UBR2: variants seen among roughly 807,000 people sequenced by gnomAD.
The protein encoded by UBR2 is ubiquitin protein ligase E3 component n-recognin 2.
UBR2 carries 92 observed loss-of-function variants against 247.9 expected under a neutral mutation model. That is an observed-to-expected ratio of 0.37 (90% CI 0.31 to 0.44). The LOEUF is 0.44. UBR2 is among the 20% of genes least tolerant of loss of function. The pLI, the probability that UBR2 is intolerant of heterozygous loss-of-function variation, is 1.00. For synonymous variants in UBR2, 672 were observed against 693.5 expected, an observed-to-expected ratio of 0.97 and a Z score of 0.49; for missense variants, 1,613 against 2,112.6, an observed-to-expected ratio of 0.76 and a Z score of 4.64.
chr6:42,564,816 G>T (rs981753830), intron 1 of UBR2, among the ~76,000 whole-genome samples: 1 of 152,136 alleles, frequency 6.6e-6, no homozygotes, highest in African/African-American at 2.4e-5. Context: ...AAGCGAAGCC[G>T]TGTGCTCCTC....
Position 42,655,623 on chromosome 6 carries a change from G to A in UBR2, c.2772G>A (p.Val924=), listed in dbSNP as rs1215520556. 1 of 1,540,460 alleles carries A rather than the reference G, an allele frequency of 6.5e-7. No homozygotes were observed. Among genetic ancestry groups the A allele is most frequent in the Non-Finnish European group, 8.7e-7 (1 of 1,151,664 alleles). ...YAWSESMLQR[V]LHLIGMALQE... ...AAGTTACAAAACATTTATTCAAGGT[G>A]TTACATTTAATTGGCATGGCACTAC... is the stretch of plus-strand genomic sequence containing the variant. The change falls in exon 26 of 47, where the codon GTG becomes GTA. Residue 924 remains valine (V), a splice_region_variant and synonymous_variant. Coordinates refer to ENST00000372901, the MANE Select transcript of UBR2 (RefSeq NM_001363705.2).
chr6:42,673,755 T>G, intron 36 of UBR2, 36 bp from the exon 37 acceptor site: 8 of 1,506,560 alleles, frequency 5.3e-6, no homozygotes, highest in African/African-American at 2.8e-5. Context: ...CTGCTTTGCA[T>G]TTTTGTTTTT....
At chr6:42,590,119 A>G (rs1369631571) in intron 2 of UBR2, among the ~76,000 whole-genome samples, 2 of 152,186 alleles carry the variant, frequency 1.3e-5, no homozygotes, top group East Asian at 3.8e-4. Context: ...ATGTATTAAT[A>G]TTATGTTAAA....
At chr6:42,620,506 G>GTT (rs1053036634) in intron 11 of UBR2, among the ~76,000 whole-genome samples, 6 of 111,184 alleles carry the variant, frequency 5.4e-5, no homozygotes, top group East Asian at 2.8e-4. Flanking sequence ...TTTTGTTTTT[G>GTT]TTTTTTTTTA....
chr6:42,584,983 G>A (rs1196435527), intron 2 of UBR2, among the ~76,000 whole-genome samples: 3 of 151,836 alleles, frequency 2.0e-5, no homozygotes, highest in African/African-American at 7.3e-5. Flanking sequence ...TGCCTTTCTT[G>A]TGCTCCATTG....
At chr6:42,625,530 A>C (rs917711540) in intron 11 of UBR2, among the ~76,000 whole-genome samples, 2 of 151,976 alleles carry the variant, frequency 1.3e-5, no homozygotes, top group African/African-American at 4.8e-5. Context: ...GCTCACTGCA[A>C]TCTCTACCTC....
At position 42,679,707 on chromosome 6, in the gene UBR2, T is replaced by A. The variant is rs1267014291; in HGVS notation, c.4610-17T>A. 6.4e-7 allele frequency: 1 copy of A among 1,574,054 alleles called. No individual in the cohort carries two copies. Among genetic ancestry groups the A allele is most frequent in the Admixed American group, 1.7e-5 (1 of 59,846 alleles). On this transcript the variant is annotated splice_polypyrimidine_tract_variant and intron_variant, in intron 41 of 46. Coordinates refer to ENST00000372901, the MANE Select transcript of UBR2 (RefSeq NM_001363705.2). ...CTTAGTTGTTATATGCACTCTTTTC[T>A]TGTTCTTCATTTGCAGTTCCTGGAA...
chr6:42,618,425 T>G (rs1461857840), intron 11 of UBR2, among the ~76,000 whole-genome samples: 1 of 152,224 alleles, frequency 6.6e-6, no homozygotes, highest in Non-Finnish European at 1.5e-5. Context: ...TATAGTTACT[T>G]TATTAATAAG....
intron 1 of UBR2, among the ~76,000 whole-genome samples, chr6:42,572,258 T>C (rs1010513946): frequency 6.6e-6 from 1 of 152,182 alleles, no homozygotes; most frequent in South Asian, 2.1e-4. Flanking sequence ...CCTTAACTTA[T>C]GAACAAAATT....
chr6:42,636,280 G>A (rs563920179), intron 14 of UBR2, among the ~76,000 whole-genome samples: 202 of 150,972 alleles, frequency 1.3e-3, no homozygotes, highest in South Asian at 3.6e-3. Flanking sequence ...CTGGGCTTAG[G>A]TGATCCTCCC....
intron 15 of UBR2, among the ~76,000 whole-genome samples, chr6:42,639,917 A>T (rs569098449): frequency 2.7e-5 from 4 of 150,574 alleles, no homozygotes; most frequent in African/African-American, 4.9e-5. Flanking sequence ...GGTCCCAGCT[A>T]CTCGGGAGGC....
At chr6:42,652,454 C>A (rs761896124) in intron 24 of UBR2, 37 bp from the exon 25 acceptor site, 3 of 1,571,710 alleles carry the variant, frequency 1.9e-6, no homozygotes, top group Non-Finnish European at 2.6e-6. Context: ...AAAGCATGTT[C>A]TGTAAAAGAA....
chr6:42,685,901 G>A (rs1210016574), intron 44 of UBR2, among the ~76,000 whole-genome samples: 1 of 151,674 alleles, frequency 6.6e-6, no homozygotes, highest in Non-Finnish European at 1.5e-5. Context: ...ATATAATAAT[G>A]TAAGAGCTTA....
intron 14 of UBR2, among the ~76,000 whole-genome samples, 177 bp downstream of exon 14, chr6:42,635,723 A>G (rs981438306): frequency 1.6e-4 from 24 of 152,218 alleles, no homozygotes; most frequent in Admixed American, 8.5e-4. Flanking sequence ...CTACAGCCTG[A>G]GGAAAAACTT....
At chr6:42,654,162 C>T in intron 25 of UBR2, among the ~76,000 whole-genome samples, 1 of 152,126 alleles carries the variant, frequency 6.6e-6, no homozygotes, top group Middle Eastern at 3.2e-3. Context: ...TAATGCCCTC[C>T]TATTTATCTA....
Position 42,691,267 on chromosome 6 carries a change from C to T in UBR2, c.*94C>T. The T allele has an allele frequency of 3.3e-6, 5 of 1,521,394 alleles. No homozygotes were observed. The South Asian group carries it at 6.0e-5, about 18-fold the overall frequency. 94.2% of individuals were successfully genotyped at this position (1,521,394 alleles called of 1,614,324 possible). On this transcript the variant is annotated 3_prime_UTR_variant, in exon 47 of 47. Transcript: ENST00000372901. ...GTTCTGCTGAATTTGGAAATAAATT[C>T]TTTATTTAAACTTTCCTTCCCAGTT...
At position 42,640,285 on chromosome 6, in the gene UBR2, C is replaced by A. The variant is rs761122857; in HGVS notation, c.1920+15C>A. 1.1e-5 allele frequency: 17 copies of A among 1,577,874 alleles called. No individual in the cohort carries two copies. Among genetic ancestry groups the A allele is most frequent in the Non-Finnish European group, 1.5e-5 (17 of 1,166,234 alleles). On this transcript the variant is annotated intron_variant, in intron 16 of 46. Coordinates refer to ENST00000372901, the MANE Select transcript of UBR2 (RefSeq NM_001363705.2). ...TCCTACCTCTAGTAAGTGGTGCTTA[C>A]ATTTAAAAGTGAATACTTATTTATT...
Position 42,678,666 on chromosome 6 carries a change from C to A in UBR2, c.4606C>A (p.Gln1536Lys). The A allele has an allele frequency of 6.2e-7, 1 of 1,610,360 alleles. No homozygotes were observed. Among genetic ancestry groups the A allele is most frequent in the Non-Finnish European group, 8.5e-7 (1 of 1,178,814 alleles). Residue 1536 changes from glutamine to lysine, a missense_variant, in exon 41 of 47, where the codon CAA becomes AAA. By Grantham distance (53) the Gln-to-Lys change is moderately conservative. Around this residue, in one of 3 missense-constraint regions of UBR2, gnomAD observed 1,524 missense variants for 1,967.3 expected, o/e 0.77. Transcript: ENST00000372901. ...TGGAGTTCCTTCCCCACCCGACATT[C>A]AAGGTAATTTATACTTTCTTTCAAA... ...LNGVPSPPDI[Q>K]VPGTSHFEHL...
intron 41 of UBR2, 91 bp downstream of exon 41, chr6:42,678,760 T>C: frequency 7.0e-7 from 1 of 1,436,952 alleles, no homozygotes; most frequent in Non-Finnish European, 9.4e-7. Flanking sequence ...GAAAATTGAC[T>C]AAAAGTTCAA....
Sources: gnomAD v4.1 joint callset for allele counts (sites outside exome capture counted in the v4.1 genomes callset) on GRCh38, gnomAD v4.1.1 for gene constraint, gnomAD v4.1.1 regional missense constraint, MANE v1.5 for transcripts, NCBI Gene and HGNC (gene_info 2026-07-23, HGNC 2026-07-21) for gene names.